SH3BP5: variants seen among roughly 807,000 people sequenced by gnomAD.
The protein encoded by SH3BP5 is SH3 domain-binding protein 5.
In SH3BP5, 22 loss-of-function variants were observed where a neutral mutation model predicts 43.3. That is an observed-to-expected ratio of 0.51 (90% CI 0.36 to 0.73). SH3BP5 has a LOEUF of 0.73. Among genes scored for constraint, SH3BP5 ranks in the 30% least tolerant of loss-of-function variants. The pLI is 0.00. For missense variants in SH3BP5, 529 were observed against 586.9 expected (o/e 0.90, Z 1.02); for synonymous variants, 255 against 225.8 (o/e 1.13, Z -1.16).
chr3:15,290,525 C>CA (rs3031239), intron 3 of SH3BP5, among the ~76,000 whole-genome samples: 10,526 of 56,204 alleles, frequency 0.19, 1,361 homozygotes, highest in African/African-American at 0.22. Flanking sequence ...GACTCTGTCC[C>CA]AAAAAAAAAA....
intron 4 of SH3BP5, among the ~76,000 whole-genome samples, chr3:15,264,701 T>A (rs1356672654): frequency 6.6e-6 from 1 of 152,110 alleles, no homozygotes; most frequent in African/African-American, 2.4e-5. Flanking sequence ...ATCCTTTCCC[T>A]TTGCTTCCAA....
At chr3:15,269,946 T>A in intron 3 of SH3BP5, 69 bp from the exon 4 acceptor site, 1 of 1,359,534 alleles carries the variant, frequency 7.4e-7, no homozygotes, top group Non-Finnish European at 9.9e-7. Flanking sequence ...ATTTTACCTT[T>A]CAAAAAATAA....
Position 15,256,209 on chromosome 3 carries a change from C to T in SH3BP5, c.1245G>A (p.Lys415=), listed in dbSNP as rs749647713. The T allele has an allele frequency of 2.5e-6, 4 of 1,614,074 alleles. No homozygotes were observed. Among genetic ancestry groups the T allele is most frequent in the Non-Finnish European group, 3.4e-6 (4 of 1,180,026 alleles). ...SSSSGSGGSS[K]SQSSTSPEGQ... ...CCTCAGGGGAGGTGCTGCTTTGGCTCTTACTGCTGCCACCACTGCCACTGC... is the reference window on the plus strand; with the variant it reads ...CCTCAGGGGAGGTGCTGCTTTGGCTTTTACTGCTGCCACCACTGCCACTGC... Residue 415 remains lysine (K), a synonymous_variant, in exon 9 of 9, where the codon AAG becomes AAA. Transcript: ENST00000383791.
intron 2 of SH3BP5, among the ~76,000 whole-genome samples, chr3:15,314,271 G>C (rs771823856): frequency 2.2e-4 from 33 of 152,078 alleles, no homozygotes; most frequent in Admixed American, 8.5e-4. Flanking sequence ...CGTGTGGCTA[G>C]TGGCTGCCCT....
intron 4 of SH3BP5, among the ~76,000 whole-genome samples, chr3:15,265,652 T>G (rs1696619281): frequency 6.6e-6 from 1 of 151,700 alleles, no homozygotes; most frequent in Non-Finnish European, 1.5e-5. Flanking sequence ...TTATGTCTCC[T>G]AGGTAATCAA....
intron 3 of SH3BP5, among the ~76,000 whole-genome samples, chr3:15,298,468 C>T (rs1416346252): frequency 6.6e-6 from 1 of 152,228 alleles, no homozygotes; most frequent in African/African-American, 2.4e-5. Context: ...ACTTTCAGCA[C>T]TAAATAATCC....
At chr3:15,264,694 C>T (rs1696572032) in intron 4 of SH3BP5, among the ~76,000 whole-genome samples, 1 of 152,144 alleles carries the variant, frequency 6.6e-6, no homozygotes, top group African/African-American at 2.4e-5. Context: ...TAAGAGAATC[C>T]TTTCCCTTTG....
At chr3:15,266,867 T>C (rs1252987151) in intron 4 of SH3BP5, among the ~76,000 whole-genome samples, 1 of 152,164 alleles carries the variant, frequency 6.6e-6, no homozygotes, top group Non-Finnish European at 1.5e-5. Context: ...CCACAGGAAG[T>C]GTGAGGGGCC....
intron 3 of SH3BP5, among the ~76,000 whole-genome samples, chr3:15,285,881 A>G (rs1330323099): frequency 6.6e-6 from 1 of 152,200 alleles, no homozygotes; most frequent in Non-Finnish European, 1.5e-5. Context: ...CCTACCTCCA[A>G]TCTAACTTTG....
intron 1 of SH3BP5, 93 bp from the exon 2 acceptor site, chr3:15,330,659 C>A: frequency 1.4e-6 from 2 of 1,390,406 alleles, no homozygotes; most frequent in Non-Finnish European, 1.9e-6. Flanking sequence ...TTACCCCAGC[C>A]CAATTTGCAG....
intron 7 of SH3BP5, chr3:15,257,545 C>A (rs1424874766): frequency 1.3e-5 from 2 of 157,654 alleles, no homozygotes; most frequent in Non-Finnish European, 2.8e-5. Flanking sequence ...GCAATAGAAG[C>A]AAGAGCTGCT....
intron 2 of SH3BP5, among the ~76,000 whole-genome samples, chr3:15,316,514 A>G (rs6789899): frequency 0.47 from 71,598 of 151,864 alleles, 18,050 homozygotes; most frequent in African/African-American, 0.65. Context: ...TGAACCACAT[A>G]CCCAGCCAAG....
intron 2 of SH3BP5, among the ~76,000 whole-genome samples, chr3:15,310,641 A>C (rs550460684): frequency 1.2e-3 from 187 of 152,314 alleles, no homozygotes; most frequent in Non-Finnish European, 2.3e-3. Flanking sequence ...AGTCAAGAAA[A>C]AGAATCCGTT....
chr3:15,320,553 G>A (rs1455982750), intron 2 of SH3BP5, among the ~76,000 whole-genome samples: 1 of 148,026 alleles, frequency 6.8e-6, no homozygotes, highest in African/African-American at 2.5e-5. Context: ...AAAGTTACCT[G>A]GGCTGCCTGC....
In SH3BP5 at chr3:15,259,365, T is replaced by C. The variant is rs190439949; in HGVS notation, c.670-315A>G. ...CACAGTCTAGACATCTGGTTCCCAG[T>C]ACAGTGGTTCTCAAAGTTGAGCTTG... On this transcript the variant is annotated intron_variant, in intron 6 of 8. Transcript: ENST00000383791. 1.9e-5 allele frequency: 10 copies of C among 522,448 alleles called. No homozygotes were observed. In the East Asian group the frequency reaches 2.8e-4, roughly 15 times the overall value. 32.4% of individuals were successfully genotyped at this position (522,448 alleles called of 1,614,324 possible). A position where few individuals can be genotyped will look rare whatever the true frequency, so the allele number is the denominator to read the frequency against.
chr3:15,272,280 A>C (rs1452341066), intron 3 of SH3BP5, among the ~76,000 whole-genome samples: 1 of 152,214 alleles, frequency 6.6e-6, no homozygotes, highest in Non-Finnish European at 1.5e-5. Context: ...GGCGACGATG[A>C]CAATCAGATG....
Position 15,259,742 on chromosome 3 carries a change from A to C in SH3BP5, c.669+19T>G. ...TGCAGAAAAATCTCATCAGTGACGA[A>C]GCCCAAAGCTACACATACCTCGAGC... On this transcript the variant is annotated intron_variant, in intron 6 of 8. Transcript: ENST00000383791. 1 of 1,613,548 alleles carries C rather than the reference A, an allele frequency of 6.2e-7. No homozygotes were observed. The highest frequency in any genetic ancestry group is 1.1e-5 in the South Asian group (1 of 91,058).
rs138210635 is a variant in SH3BP5, at chr3:15,257,042, C to T, written c.961G>A (p.Val321Met). The T allele has an allele frequency of 1.2e-3, 1,958 of 1,614,178 alleles. 4 individuals carry two copies. Among genetic ancestry groups the T allele is most frequent in the Non-Finnish European group, 1.5e-3 (1,801 of 1,180,014 alleles). The change falls in exon 8 of 9, where the codon GTG (valine) becomes ATG (methionine). Residue 321 changes from valine (V) to methionine (M), a missense_variant. Physicochemically the swap from Val to Met is conservative, Grantham distance 21. Coordinates refer to ENST00000383791, the MANE Select transcript of SH3BP5 (RefSeq NM_004844.5). Reference protein sequence around the residue: ...VSEDDSETQSVSSFSSGPTSP... With the variant: ...VSEDDSETQSMSSFSSGPTSP... The stretch of plus-strand genomic sequence containing the variant: ...GTTGGTCCTGAACTAAAGCTGGACA[C>T]GGACTGGGTTTCCGAGTCATCTTCA...
intron 3 of SH3BP5, among the ~76,000 whole-genome samples, chr3:15,277,031 A>G (rs986634401): frequency 2.0e-5 from 3 of 151,996 alleles, no homozygotes; most frequent in Admixed American, 2.0e-4. Context: ...GCTCACTGCA[A>G]TCTCCACCTC....
Sources: allele counts gnomAD v4.1 joint callset (sites outside exome capture counted in the v4.1 genomes callset), GRCh38; gene constraint gnomAD v4.1.1; transcripts MANE v1.5; gene names NCBI Gene and HGNC (gene_info 2026-07-23, HGNC 2026-07-21).